CDH17: variants seen among roughly 807,000 people sequenced by gnomAD.
The protein encoded by CDH17 is cadherin 17, also known as cadherin-17.
In CDH17, 67 loss-of-function variants were observed where a neutral mutation model predicts 86.3. That is an observed-to-expected ratio of 0.78 (90% CI 0.64 to 0.95). The LOEUF (loss-of-function observed/expected upper bound fraction) is 0.95, where lower values mean the gene tolerates loss of function less well. Ranked by LOEUF, CDH17 falls within the 40% of genes least tolerant of loss-of-function variation. CDH17 has a pLI of 0.00. For missense variants in CDH17, 993 were observed against 1,017.6 expected, an observed-to-expected ratio of 0.98 and a Z score of 0.33; for synonymous variants, 367 against 366.4, an observed-to-expected ratio of 1.00 and a Z score of -0.02.
rs74577342 is a variant in CDH17 at position 94,181,799 on chromosome 8, T to C, written c.151-4078A>G. On this transcript the variant is annotated intron_variant, in intron 3 of 17. Transcript: ENST00000027335. ...AAATAACAAAGATCAGAGTGGAAAT[T>C]AATGAAATGGAGAATATAAGAGCAC... Among the ~76,000 whole-genome samples, 987 of 151,054 alleles carry C rather than the reference T, an allele frequency of 6.5e-3. 4 individuals carry two copies. The highest frequency in any genetic ancestry group is 0.011 in the Non-Finnish European group (747 of 67,714).
rs768884402 is a variant in CDH17 at position 94,174,128 on chromosome 8, G to A, written c.557C>T (p.Thr186Met). ...CTCTCGGGTAAGAGAGATGGCTCCC[G>A]TTTTGTTGTTGATCTGAAAGTACAT... is the stretch of plus-strand genomic sequence containing the variant. ...NVMYFQINNK[T>M]GAISLTREGS... is the part of the protein sequence containing the mutation. The change falls in exon 6 of 18, where the codon ACG becomes ATG. Residue 186 changes from threonine to methionine, a missense_variant. Thr to Met is a moderately conservative substitution (Grantham distance 81). Transcript: ENST00000027335. 28 of 1,613,686 alleles carry A rather than the reference G, an allele frequency of 1.7e-5. 1 individual carries two copies. The highest frequency in any genetic ancestry group is 2.2e-5 in the East Asian group (1 of 44,864).
At chr8:94,197,845 A>C (rs910319605) in intron 1 of CDH17, among the ~76,000 whole-genome samples, 1 of 149,370 alleles carries the variant, frequency 6.7e-6, no homozygotes, top group East Asian at 1.9e-4. Flanking sequence ...AAAAAAAAAA[A>C]AAAGAAAAAA....
chr8:94,176,061 A>AT (rs1464114416), intron 5 of CDH17, among the ~76,000 whole-genome samples: 1 of 151,928 alleles, frequency 6.6e-6, no homozygotes, highest in East Asian at 1.9e-4. Flanking sequence ...GCAAACTATT[A>AT]TTTTTTGTAG....
intron 3 of CDH17, among the ~76,000 whole-genome samples, chr8:94,188,372 T>A (rs928694899): frequency 6.6e-6 from 1 of 152,134 alleles, no homozygotes; most frequent in Non-Finnish European, 1.5e-5. Context: ...GGGCCGTCTG[T>A]AAATTTTTGG....
intron 2 of CDH17, among the ~76,000 whole-genome samples, chr8:94,190,758 AG>A (rs1345988671): frequency 1.3e-5 from 2 of 152,208 alleles, no homozygotes; most frequent in Non-Finnish European, 2.9e-5. Flanking sequence ...AGGGAGAGCA[AG>A]CACACTCTTG....
chr8:94,183,625 A>G, intron 3 of CDH17, among the ~76,000 whole-genome samples: 1 of 152,150 alleles, frequency 6.6e-6, no homozygotes, highest in East Asian at 1.9e-4. Flanking sequence ...AAGAAAGCAT[A>G]GACATAAATC....
chr8:94,148,711 CTTTTTTTTTGT>C, intron 14 of CDH17, 22 bp downstream of exon 14: 9 of 1,345,880 alleles, frequency 6.7e-6, no homozygotes, highest in East Asian at 2.9e-5. Context: ...ATCTGTGTTC[CTTTTTTTTTGT>C]TTTTTTTTTT....
rs1812541897 is a variant in CDH17, at chr8:94,136,944, C to A, written c.2168-5952G>T. On this transcript the variant is annotated intron_variant, in intron 15 of 17. Coordinates refer to ENST00000027335, the MANE Select transcript of CDH17 (RefSeq NM_004063.4). ...CAGACCCTGTTTGCCTGGGTATCAC[C>A]AGTGGAGGCTGCAGAACAGCAAATA... Among the ~76,000 whole-genome samples the A allele has an allele frequency of 2.0e-5, 3 of 152,174 alleles. No homozygotes were observed. The South Asian group carries it at 6.2e-4, about 32-fold the overall frequency.
In CDH17 at chr8:94,128,071, C is replaced by T. The variant is rs557399856; in HGVS notation, c.*169G>A. Reference sequence around the variant, plus strand: ...TCACACCACTGTACTCCAGCCTGGGCGACAGAGCAAGACTCCACCTCAAAA... The same window carrying T: ...TCACACCACTGTACTCCAGCCTGGGTGACAGAGCAAGACTCCACCTCAAAA... On this transcript the variant is annotated 3_prime_UTR_variant, in exon 18 of 18. Coordinates refer to ENST00000027335, the MANE Select transcript of CDH17 (RefSeq NM_004063.4). 6.5e-5 allele frequency: 37 copies of T among 570,386 alleles called. No homozygotes were observed. Among genetic ancestry groups the T allele is most frequent in the South Asian group, 2.5e-4 (12 of 48,462 alleles). 35.3% of individuals were successfully genotyped at this position (570,386 alleles called of 1,614,324 possible).
At chr8:94,201,574 G>A (rs1316609937) in intron 1 of CDH17, among the ~76,000 whole-genome samples, 2 of 152,210 alleles carry the variant, frequency 1.3e-5, no homozygotes, top group Non-Finnish European at 2.9e-5. Flanking sequence ...GCTCTCAGGA[G>A]GAACCAACCC....
intron 1 of CDH17, among the ~76,000 whole-genome samples, chr8:94,199,068 TATATATATATATATA>T (rs1472376193): frequency 0.014 from 259 of 18,784 alleles, 3 homozygotes; most frequent in Middle Eastern, 0.045. Context: ...TATATATATA[TATATATATATATATA>T]TTTTTTTTTT....
In CDH17 at chr8:94,202,063, T is replaced by C. The variant is rs145026658; in HGVS notation, c.-21+6420A>G. 10 of 162,914 alleles carry C rather than the reference T, an allele frequency of 6.1e-5. No homozygotes were observed. The East Asian group carries it at 1.6e-3, about 26-fold the overall frequency. 10.1% of individuals were successfully genotyped at this position (162,914 alleles called of 1,614,324 possible). A position where few individuals can be genotyped will look rare whatever the true frequency, so the allele number is the denominator to read the frequency against. ...CCTTGCACTGCTTTGTAGTCTTACA[T>C]TTCTCTTTTTCTGTCAAAGATCTCA... On this transcript the variant is annotated intron_variant, in intron 1 of 17. Coordinates refer to ENST00000027335, the MANE Select transcript of CDH17 (RefSeq NM_004063.4).
In CDH17 at chr8:94,191,240, A is replaced by G. The variant is rs558970720; in HGVS notation, c.52-1955T>C. Among the ~76,000 whole-genome samples the G allele has an allele frequency of 5.3e-5, 8 of 152,274 alleles. No individual in the cohort carries two copies. In the East Asian group the frequency reaches 1.5e-3, roughly 29 times the overall value. On this transcript the variant is annotated intron_variant, in intron 2 of 17. Coordinates refer to ENST00000027335, the MANE Select transcript of CDH17 (RefSeq NM_004063.4). ...TGTACCTTGTGTCTGCAGTTGGGGC[A>G]GCTGTGATGAACCCTGAGAGGACAA...
intron 15 of CDH17, among the ~76,000 whole-genome samples, chr8:94,131,741 C>T (rs1338378907): frequency 4.6e-5 from 7 of 151,950 alleles, no homozygotes; most frequent in East Asian, 1.9e-4. Context: ...AGGTTTGATA[C>T]GTAGGTATAC....
At chr8:94,192,151 C>T (rs920469790) in intron 2 of CDH17, among the ~76,000 whole-genome samples, 8 of 152,320 alleles carry the variant, frequency 5.3e-5, no homozygotes, top group Middle Eastern at 3.4e-3. Context: ...TTCAAAGTTG[C>T]GTGCTTGTAT....
chr8:94,178,768 T>A (rs1395619095), intron 3 of CDH17, among the ~76,000 whole-genome samples: 1 of 152,094 alleles, frequency 6.6e-6, no homozygotes, highest in African/African-American at 2.4e-5. Context: ...ATTTAAAATA[T>A]AAGAAGAGTT....
rs190537054 is a variant in CDH17, at chr8:94,195,537, A to C, written c.-20-832T>G. 9.0e-4 allele frequency among the ~76,000 whole-genome samples: 137 copies of C among 152,300 alleles called. 2 individuals are homozygous for C. Among genetic ancestry groups the C allele is most frequent in the Non-Finnish European group, 1.5e-3 (102 of 68,022 alleles). On this transcript the variant is annotated intron_variant, in intron 1 of 17. Coordinates refer to ENST00000027335, the MANE Select transcript of CDH17 (RefSeq NM_004063.4). ...TTAATTTCTTACTATTCCAAAAGAG[A>C]TCAAACAAAAATCTGAACTCTGTCC...
At position 94,130,978 on chromosome 8, in the gene CDH17, G is replaced by A. The variant is rs1248331565; in HGVS notation, c.2182C>T (p.Leu728=). The A allele has an allele frequency of 1.9e-6, 3 of 1,579,918 alleles. No homozygotes were observed. Among genetic ancestry groups the A allele is most frequent in the Non-Finnish European group, 2.6e-6 (3 of 1,149,122 alleles). ...TCAAACTCTGTGTGCCTGGTAGACA[G>A]TCGGGCATGAGTACCTGCCAGGACA... is the stretch of plus-strand genomic sequence containing the variant. ...VSKINGTHAR[L]STRHTEFEER... The change falls in exon 16 of 18, where the codon CTG becomes TTG. Residue 728 remains leucine, a synonymous_variant. Transcript: ENST00000027335.
At chr8:94,183,574 CAA>C (rs57573054) in intron 3 of CDH17, among the ~76,000 whole-genome samples, 27,360 of 151,808 alleles carry the variant, frequency 0.18, 5,358 homozygotes, top group African/African-American at 0.49. Flanking sequence ...CAAAATGGAT[CAA>C]AGACCTAAAT....
Sources: allele counts gnomAD v4.1 joint callset (sites outside exome capture counted in the v4.1 genomes callset), GRCh38; gene constraint gnomAD v4.1.1; transcripts MANE v1.5; gene names NCBI Gene and HGNC (gene_info 2026-07-23, HGNC 2026-07-21).